The following LRBA variants were observed in gnomAD, a reference collection of about 807,000 sequenced individuals.
LRBA encodes the protein LPS responsive beige-like anchor protein, also known as lipopolysaccharide-responsive and beige-like anchor protein.
In LRBA, 176 loss-of-function variants were observed where a neutral mutation model predicts 330.0. The observed-to-expected ratio is 0.53, with a 90% confidence interval of 0.47 to 0.60. The LOEUF is 0.60. LRBA is among the 20% of genes least tolerant of loss of function. The probability of loss-of-function intolerance (pLI) is 0.00; values close to 1 mark genes in which losing one functional copy is unlikely to be tolerated. For missense variants in LRBA, 3,259 were observed against 3,444.8 expected (o/e 0.95, Z 1.35); for synonymous variants, 1,230 against 1,193.0 (o/e 1.03, Z -0.64).
chr4:150,696,987 C>G (rs1424018164), intron 36 of LRBA, among the ~76,000 whole-genome samples: 1 of 150,494 alleles, frequency 6.6e-6, no homozygotes, highest in Admixed American at 6.6e-5. Flanking sequence ...CTACTCCAGC[C>G]TGGGTGACAG....
rs552943847 is a variant in LRBA at position 150,817,067 on chromosome 4, C to T, written c.5305+57G>A. On this transcript the variant is annotated intron_variant, in intron 31 of 56. Transcript: ENST00000651943. ...TTTTAAGTTAATCAAAAATCTTAAG[C>T]GTTGCTAAAATGAGATCTAAAAACA... 9.8e-6 allele frequency: 15 copies of T among 1,526,684 alleles called. 1 individual carries two copies. Among genetic ancestry groups the T allele is most frequent in the South Asian group, 3.4e-5 (3 of 87,240 alleles). The allele number at this position is 1,526,684 out of a possible 1,614,324, so 94.6% of individuals were successfully genotyped here. A position where few individuals can be genotyped will look rare whatever the true frequency, so the allele number is the denominator to read the frequency against.
chr4:150,833,228 A>T (rs986172483), intron 28 of LRBA, among the ~76,000 whole-genome samples: 3 of 151,744 alleles, frequency 2.0e-5, no homozygotes, highest in Admixed American at 6.6e-5. Flanking sequence ...TATATCACTG[A>T]CCTCTTTATC....
chr4:150,692,506 C>T (rs956047580), intron 36 of LRBA, among the ~76,000 whole-genome samples: 1 of 152,166 alleles, frequency 6.6e-6, no homozygotes, highest in African/African-American at 2.4e-5. Context: ...AGGCATGAGC[C>T]ACCATGCCCA....
chr4:150,326,933 T>C (rs1046042467), intron 48 of LRBA, among the ~76,000 whole-genome samples: 1 of 152,154 alleles, frequency 6.6e-6, no homozygotes, highest in Admixed American at 6.5e-5. Flanking sequence ...GGGACTAGGA[T>C]CATTTTCAGA....
At chr4:150,875,131 T>C (rs1753856546) in intron 17 of LRBA, among the ~76,000 whole-genome samples, 1 of 152,186 alleles carries the variant, frequency 6.6e-6, no homozygotes, top group African/African-American at 2.4e-5. Context: ...CTCTGCACCA[T>C]TCCTATGTAG....
chr4:150,709,309 C>A (rs1237329473), intron 36 of LRBA, among the ~76,000 whole-genome samples: 6 of 151,910 alleles, frequency 3.9e-5, no homozygotes, highest in Admixed American at 6.6e-5. Flanking sequence ...GCCAACAATG[C>A]GCCTTGAAAT....
intron 35 of LRBA, among the ~76,000 whole-genome samples, chr4:150,746,507 C>CTTT (rs923454215): frequency 1.2e-4 from 16 of 136,496 alleles, no homozygotes; most frequent in South Asian, 2.3e-4. Context: ...GTTTCTCTTA[C>CTTT]TTTTTTTTTT....
intron 40 of LRBA, among the ~76,000 whole-genome samples, chr4:150,504,837 C>A (rs571580480): frequency 9.7e-4 from 148 of 152,246 alleles, no homozygotes; most frequent in African/African-American, 3.2e-3. Context: ...ACCCATCTCA[C>A]ATGCAGAGAC....
At position 150,928,913 on chromosome 4, in the gene LRBA, C is replaced by A; in HGVS notation, c.369G>T (p.Arg123=). 6.2e-7 allele frequency: 1 copy of A among 1,614,028 alleles called. No homozygotes were observed. The highest frequency in any genetic ancestry group is 8.5e-7 in the Non-Finnish European group (1 of 1,179,976). ...CTACTTCAGTGCAGACTTGAAGATT[C>A]CGTATGCTTTTCTTCAGAATGGCTG... ...MFTAILKKSI[R]NLQVCTEVGL... is the part of the protein sequence containing the mutation. The change falls in exon 3 of 57, where the codon CGG becomes CGT. Residue 123 remains arginine, a synonymous_variant. Coordinates refer to ENST00000651943, the MANE Select transcript of LRBA (RefSeq NM_001364905.1).
intron 46 of LRBA, among the ~76,000 whole-genome samples, chr4:150,432,458 T>TTTTTTTTTTG: frequency 1.4e-5 from 1 of 73,576 alleles, no homozygotes; most frequent in African/African-American, 4.0e-5. Flanking sequence ...GTGTTCTTTT[T>TTTTTTTTTTG]TTTTTTTTTT....
At chr4:150,904,895 A>G (rs1731155314) in intron 13 of LRBA, among the ~76,000 whole-genome samples, 1 of 152,196 alleles carries the variant, frequency 6.6e-6, no homozygotes, top group Non-Finnish European at 1.5e-5. Context: ...GACAACTAGA[A>G]TAAGTAGGTG....
intron 36 of LRBA, among the ~76,000 whole-genome samples, chr4:150,733,572 T>TCC (rs1730778601): frequency 1.9e-5 from 1 of 53,276 alleles, no homozygotes; most frequent in Non-Finnish European, 9.6e-5. Flanking sequence ...TCTCTCTCTC[T>TCC]CTCTCACACA....
chr4:150,583,028 A>C lies in LRBA; in HGVS notation c.6330+5020T>G. On this transcript the variant is annotated intron_variant, in intron 40 of 56. Coordinates refer to ENST00000651943, the MANE Select transcript of LRBA (RefSeq NM_001364905.1). The surrounding 1 kb of genome is among the most constrained non-coding windows in gnomAD (Gnocchi z 9.8). ...GTGTATAGCCCGGACCTGTGCCCCA[A>C]CATGATCGCCGCTCAGGCCAAGCTG... is the stretch of plus-strand genomic sequence containing the variant. 6.3e-7 allele frequency: 1 copy of C among 1,586,242 alleles called. No individual in the cohort carries two copies. The highest frequency in any genetic ancestry group is 8.6e-7 in the Non-Finnish European group (1 of 1,164,636).
At chr4:150,679,206 C>T (rs1053077023) in intron 37 of LRBA, among the ~76,000 whole-genome samples, 6 of 152,230 alleles carry the variant, frequency 3.9e-5, no homozygotes, top group South Asian at 2.1e-4. Flanking sequence ...TAGCTTTTAA[C>T]GGGTCAAGTA....
chr4:150,321,374 G>A lies in LRBA; in HGVS notation c.7453-6C>T. ...TCTGTGAACATCAATGGACTCTGCA[G>A]GAGGAGATACTGTTGAGTGGGCATG... is the stretch of plus-strand genomic sequence containing the variant. On this transcript the variant is annotated splice_polypyrimidine_tract_variant and splice_region_variant and intron_variant, in intron 49 of 56. Transcript: ENST00000651943. The surrounding 1 kb of genome is among the most constrained non-coding windows in gnomAD (Gnocchi z 4.5). 6.3e-7 allele frequency: 1 copy of A among 1,577,768 alleles called. No individual in the cohort carries two copies. The highest frequency in any genetic ancestry group is 8.6e-7 in the Non-Finnish European group (1 of 1,167,612).
chr4:150,958,779 G>A (rs1298992126), intron 2 of LRBA, among the ~76,000 whole-genome samples: 1 of 148,868 alleles, frequency 6.7e-6, no homozygotes, highest in African/African-American at 2.6e-5. Flanking sequence ...CTCTTTGCAT[G>A]GCAAGAATGA....
chr4:150,919,681 T>G (rs1733035823), intron 5 of LRBA, among the ~76,000 whole-genome samples: 1 of 152,212 alleles, frequency 6.6e-6, no homozygotes, highest in African/African-American at 2.4e-5. Context: ...CGTACACATG[T>G]TCTCTCTCAC....
rs992720843 is a variant in LRBA, at chr4:150,264,565, T to A, written c.*1157A>T. On this transcript the variant is annotated 3_prime_UTR_variant, in exon 57 of 57. Transcript: ENST00000651943. ...AGCTTTTTCTGTCAAACTGAATTGTTCATTCCAAATCCTTGCTTTTAGAGA... is the reference window on the plus strand; with the variant it reads ...AGCTTTTTCTGTCAAACTGAATTGTACATTCCAAATCCTTGCTTTTAGAGA... The A allele has an allele frequency of 2.6e-5, 4 of 152,362 alleles. No individual in the cohort carries two copies. The highest frequency in any genetic ancestry group is 9.7e-5 in the African/African-American group (4 of 41,444). 9.4% of individuals were successfully genotyped at this position (152,362 alleles called of 1,614,324 possible).
chr4:150,373,081 A>C (rs1740643909), intron 47 of LRBA, among the ~76,000 whole-genome samples: 1 of 151,024 alleles, frequency 6.6e-6, no homozygotes, highest in Non-Finnish European at 1.5e-5. Flanking sequence ...TCGGTCATAC[A>C]TTCAGATGAC....
Sources: gnomAD v4.1 joint callset for allele counts (sites outside exome capture counted in the v4.1 genomes callset) on GRCh38, gnomAD v4.1.1 for gene constraint, Gnocchi (gnomAD v3.1) non-coding constraint, MANE v1.5 for transcripts, NCBI Gene and HGNC (gene_info 2026-07-23, HGNC 2026-07-21) for gene names.